Variants in PLAGL1 observed in about 807,000 individuals in gnomAD.
The protein encoded by PLAGL1 is zinc finger protein PLAGL1.
Under a neutral mutation model 4.6 loss-of-function variants are expected in PLAGL1, and 1 was observed. The ratio of observed to expected loss-of-function variants is 0.22; its 90% confidence interval spans 0.08 to 1.03. PLAGL1 has a LOEUF of 1.03. Ranked by LOEUF, PLAGL1 falls within the 50% of genes least tolerant of loss-of-function variation. PLAGL1 has a pLI of 0.58. For missense variants in PLAGL1, 464 were observed against 570.4 expected, an observed-to-expected ratio of 0.81 and a Z score of 1.90; for synonymous variants, 240 against 237.8, an observed-to-expected ratio of 1.01 and a Z score of -0.08.
In PLAGL1 at chr6:143,948,988, T is replaced by G. The variant is rs542222210; in HGVS notation, c.-324-528A>C. On this transcript the variant is annotated intron_variant, in intron 6 of 7. Coordinates refer to ENST00000674357, the MANE Select transcript of PLAGL1 (RefSeq NM_001317162.2). The surrounding 1 kb of genome is among the most constrained non-coding windows in gnomAD (Gnocchi z 6.0). Reference sequence around the variant, plus strand: ...CACCTAAGTCAATTTGTTTGTAAGATTACTCTGCAGAAGGGCTGATATAAA... The same window carrying G: ...CACCTAAGTCAATTTGTTTGTAAGAGTACTCTGCAGAAGGGCTGATATAAA... Among the ~76,000 whole-genome samples, 3 of 152,338 alleles carry G rather than the reference T, an allele frequency of 2.0e-5. No homozygotes were observed. The highest frequency in any genetic ancestry group is 6.5e-5 in the Admixed American group (1 of 15,304).
At chr6:144,045,272 C>G (rs2128720339) in intron 1 of PLAGL1, among the ~76,000 whole-genome samples, 1 of 152,176 alleles carries the variant, frequency 6.6e-6, no homozygotes, top group African/African-American at 2.4e-5. Context: ...CAGCTTCTTC[C>G]TAGTATCGAT....
chr6:143,998,771 T>C (rs935066731), intron 1 of PLAGL1, among the ~76,000 whole-genome samples: 5 of 151,084 alleles, frequency 3.3e-5, no homozygotes, highest in African/African-American at 4.9e-5. Flanking sequence ...TGAAAATTAG[T>C]TGGGGAGAAA....
At chr6:144,054,667 T>A (rs919280108) in intron 1 of PLAGL1, among the ~76,000 whole-genome samples, 2 of 145,580 alleles carry the variant, frequency 1.4e-5, no homozygotes. Flanking sequence ...AAAACCTAGA[T>A]GACGGGTTGA....
At chr6:143,943,031 A>ATTTTTCTTTTTTTTTTTTTT (rs1778982663) in intron 7 of PLAGL1, among the ~76,000 whole-genome samples, 1 of 64,646 alleles carries the variant, frequency 1.5e-5, no homozygotes, top group African/African-American at 5.2e-5. Flanking sequence ...GGCCTGGCTA[A>ATTTTTCTTTTTTTTTTTTTT]TTTTTTTTTT....
chr6:144,032,139 CAG>C (rs1796880435), intron 1 of PLAGL1, among the ~76,000 whole-genome samples: 3 of 146,354 alleles, frequency 2.0e-5, no homozygotes, highest in Admixed American at 1.5e-4. Context: ...TTTTTTGAGA[CAG>C]AGTATCTATC....
In PLAGL1 at chr6:144,013,794, T is replaced by G. The variant is rs1562573187; in HGVS notation, c.-150-44816A>C. On this transcript the variant is annotated intron_variant, in intron 1 of 3. Coordinates refer to the PLAGL1 transcript ENST00000437412. The surrounding 1 kb of genome is among the most constrained non-coding windows in gnomAD (Gnocchi z 4.4). The stretch of plus-strand genomic sequence containing the variant: ...TCTCTCTTATAGGGGTAGATGTCAC[T>G]GTACTTAGGACTCACTGAAATAACT... Among the ~76,000 whole-genome samples the G allele has an allele frequency of 6.6e-6, 1 of 152,226 alleles. No individual in the cohort carries two copies. Among genetic ancestry groups the G allele is most frequent in the Non-Finnish European group, 1.5e-5 (1 of 68,036 alleles).
chr6:143,995,188 C>A lies in PLAGL1; in HGVS notation c.-583-10014G>T, dbSNP rs1259853771. On this transcript the variant is annotated intron_variant, in intron 1 of 7. Coordinates refer to ENST00000674357, the MANE Select transcript of PLAGL1 (RefSeq NM_001317162.2). This position sits in a 1 kb window ranked among gnomAD's most constrained non-coding sequence, Gnocchi z 4.4. ...AACAATTAAATAAAATGATTCACAA[C>A]AAGTGGTCAACACAGAAAATATTCA... Among the ~76,000 whole-genome samples, 1 of 152,302 alleles carries A rather than the reference C, an allele frequency of 6.6e-6. No individual in the cohort carries two copies. The highest frequency in any genetic ancestry group is 1.9e-4 in the East Asian group (1 of 5,184).
chr6:143,991,115 A>G (rs1480951062), intron 1 of PLAGL1, among the ~76,000 whole-genome samples: 1 of 152,228 alleles, frequency 6.6e-6, no homozygotes, highest in Non-Finnish European at 1.5e-5. Context: ...CAGATGTGAC[A>G]TTGTCCCATT....
At chr6:144,051,307 T>A (rs1463283655) in intron 1 of PLAGL1, among the ~76,000 whole-genome samples, 2 of 152,158 alleles carry the variant, frequency 1.3e-5, no homozygotes, top group Non-Finnish European at 2.9e-5. Context: ...TGGAAAAAGA[T>A]CCATTCAGGC....
chr6:144,049,548 C>T (rs766658873), intron 1 of PLAGL1, among the ~76,000 whole-genome samples: 15 of 152,312 alleles, frequency 9.8e-5, no homozygotes, highest in African/African-American at 3.4e-4. Flanking sequence ...TGGACCTTCT[C>T]ACATGGAAGC....
intron 1 of PLAGL1, among the ~76,000 whole-genome samples, chr6:144,003,187 G>A (rs1476759561): frequency 6.6e-6 from 1 of 152,016 alleles, no homozygotes; most frequent in African/African-American, 2.4e-5. Context: ...TTCAATAAAT[G>A]TGTAGAGTAG....
intron 1 of PLAGL1, among the ~76,000 whole-genome samples, chr6:144,023,467 G>C (rs1269895359): frequency 6.6e-6 from 1 of 152,038 alleles, no homozygotes; most frequent in African/African-American, 2.4e-5. Flanking sequence ...CATTGAAGGG[G>C]GGCTGGGGAA....
chr6:144,009,899 T>C (rs1237702745), upstream of PLAGL1, among the ~76,000 whole-genome samples: 3 of 152,220 alleles, frequency 2.0e-5, no homozygotes, highest in African/African-American at 7.2e-5. Context: ...GTGCCACATT[T>C]TCTTAATCCA....
intron 1 of PLAGL1, among the ~76,000 whole-genome samples, chr6:144,044,086 T>G (rs1018782681): frequency 5.9e-5 from 9 of 152,228 alleles, no homozygotes; most frequent in African/African-American, 2.2e-4. Flanking sequence ...TTATTAGCCT[T>G]GCTAGTGGTC....
Position 143,966,343 on chromosome 6 carries a change from T to C in PLAGL1, c.-471-145A>G, listed in dbSNP as rs1784417071. ...GATTTATCAGTTATATACATTAAAA[T>C]GGCCAAACAGTAATTCAAATAGCAA... On this transcript the variant is annotated intron_variant, in intron 3 of 7. Coordinates refer to ENST00000674357, the MANE Select transcript of PLAGL1 (RefSeq NM_001317162.2). This position sits in a 1 kb window ranked among gnomAD's most constrained non-coding sequence, Gnocchi z 6.0. 2 of 152,180 alleles carry C rather than the reference T, an allele frequency of 1.3e-5. No individual in the cohort carries two copies. Among genetic ancestry groups the C allele is most frequent in the South Asian group, 4.1e-4 (2 of 4,828 alleles). 9.4% of individuals were successfully genotyped at this position (152,180 alleles called of 1,614,324 possible). A position where few individuals can be genotyped will look rare whatever the true frequency, so the allele number is the denominator to read the frequency against.
rs1355780580 is a variant in PLAGL1 at position 143,982,820 on chromosome 6, T to A, written c.-544+2315A>T. On this transcript the variant is annotated intron_variant, in intron 2 of 7. Transcript: ENST00000674357. This position sits in a 1 kb window ranked among gnomAD's most constrained non-coding sequence, Gnocchi z 5.3. ...CATCTCGGTAAATGGCTACTTAGGA[T>A]GAAGGAAGTTTGGTTGGGAACAGAG... Among the ~76,000 whole-genome samples, 3 of 151,956 alleles carry A rather than the reference T, an allele frequency of 2.0e-5. No individual in the cohort carries two copies. Among genetic ancestry groups the A allele is most frequent in the Non-Finnish European group, 2.9e-5 (2 of 67,990 alleles).
At chr6:144,054,904 T>A (rs1447332572) in intron 1 of PLAGL1, among the ~76,000 whole-genome samples, 1 of 151,916 alleles carries the variant, frequency 6.6e-6, no homozygotes, top group Non-Finnish European at 1.5e-5. Context: ...TTTAAATTTG[T>A]AAAGGAAATG....
In PLAGL1 at chr6:143,970,235, T is replaced by A. The variant is rs1384153998; in HGVS notation, c.-543-1257A>T. Among the ~76,000 whole-genome samples the A allele has an allele frequency of 6.6e-6, 1 of 152,202 alleles. No homozygotes were observed. Among genetic ancestry groups the A allele is most frequent in the Non-Finnish European group, 1.5e-5 (1 of 68,034 alleles). On this transcript the variant is annotated intron_variant, in intron 2 of 7. Coordinates refer to ENST00000674357, the MANE Select transcript of PLAGL1 (RefSeq NM_001317162.2). The surrounding 1 kb of genome is among the most constrained non-coding windows in gnomAD (Gnocchi z 5.8). ...TCTTACTAATGCAAAAGGCATAAAC[T>A]TTTAGGTATAAGCTGAGTTTGGGTT...
At chr6:143,969,070 G>A (rs1784943920) in intron 2 of PLAGL1, 92 bp from the exon 3 acceptor site, 1 of 151,158 alleles carries the variant, frequency 6.6e-6, no homozygotes. Context: ...TACCTAATCA[G>A]AATATGAGTT....
Sources: allele counts gnomAD v4.1 joint callset (sites outside exome capture counted in the v4.1 genomes callset), GRCh38; gene constraint gnomAD v4.1.1; non-coding constraint Gnocchi (gnomAD v3.1); transcripts MANE v1.5; gene names NCBI Gene and HGNC (gene_info 2026-07-23, HGNC 2026-07-21).